ASH1L: variants seen among roughly 807,000 people sequenced by gnomAD.
ASH1L encodes histone-lysine N-methyltransferase ASH1L.
A neutral mutation model predicts 269.0 loss-of-function variants in ASH1L; 23 were observed. The observed-to-expected ratio is 0.09, with a 90% CI of 0.06 to 0.12. The LOEUF (loss-of-function observed/expected upper bound fraction) is 0.12. Ranked by LOEUF, ASH1L falls within the 10% of genes least tolerant of loss-of-function variation. The pLI is 1.00. For synonymous variants in ASH1L, 1,187 were observed against 1,253.5 expected (o/e 0.95, Z 1.12); for missense variants, 2,912 against 3,567.8 (o/e 0.82, Z 4.68).
chr1:155,396,983 G>A (rs1466543845), intron 6 of ASH1L: 1 of 150,758 alleles, frequency 6.6e-6, no homozygotes, highest in African/African-American at 2.4e-5. Context: ...AAAAAAGCTG[G>A]GTGTGGTAGT....
chr1:155,339,281 C>T, intron 26 of ASH1L, 47 bp downstream of exon 26: 1 of 1,566,252 alleles, frequency 6.4e-7, no homozygotes, highest in East Asian at 2.2e-5. Flanking sequence ...TCCATTCAAG[C>T]TCTTAGTCAA....
chr1:155,411,015 C>T (rs979128902), intron 6 of ASH1L, among the ~76,000 whole-genome samples: 13 of 152,118 alleles, frequency 8.5e-5, no homozygotes, highest in African/African-American at 1.4e-4. Context: ...AAAGTAACTA[C>T]GGACTTTGGG....
intron 5 of ASH1L, among the ~76,000 whole-genome samples, chr1:155,438,075 T>C (rs1039185394): frequency 2.6e-5 from 4 of 152,174 alleles, no homozygotes; most frequent in Admixed American, 6.5e-5. Context: ...CTTGAACTCC[T>C]CACCTCAAGT....
chr1:155,557,394 C>G (rs955876221), intron 1 of ASH1L, among the ~76,000 whole-genome samples: 6 of 151,976 alleles, frequency 3.9e-5, no homozygotes, highest in Non-Finnish European at 5.9e-5. Context: ...TCCTGAGAAG[C>G]TGGGACTACA....
At chr1:155,373,752 C>T (rs1266357372) in intron 10 of ASH1L, among the ~76,000 whole-genome samples, 1 of 151,986 alleles carries the variant, frequency 6.6e-6, no homozygotes, top group East Asian at 1.9e-4. Context: ...ACTGCAGCCT[C>T]GACCTCCTGG....
rs764894148 is a variant in ASH1L at position 155,562,191 on chromosome 1, G to A, written c.-138C>T. The A allele has an allele frequency of 8.1e-6, 13 of 1,606,366 alleles. No individual in the cohort carries two copies. The Admixed American group carries it at 2.2e-4, about 27-fold the overall frequency. ...GAGGCCGAGGCCGAGAGCGATGAGA[G>A]TGCAGGGAAGTGGGGAAGAGGGGGT... On this transcript the variant is annotated 5_prime_UTR_variant, in exon 1 of 28. Transcript: ENST00000392403.
rs537556735 is a variant in ASH1L, at chr1:155,501,499, T to A, written c.421-19050A>T. On this transcript the variant is annotated intron_variant, in intron 2 of 27. Coordinates refer to ENST00000392403, the MANE Select transcript of ASH1L (RefSeq NM_018489.3). ...GATTATCGTACTCCATCCCTCCAAG[T>A]AGCTGGGACTACAGGTGGGTGTCAC... Among the ~76,000 whole-genome samples, 11 of 152,246 alleles carry A rather than the reference T, an allele frequency of 7.2e-5. No individual in the cohort carries two copies. In the South Asian group the frequency reaches 2.3e-3, roughly 32 times the overall value.
At position 155,497,828 on chromosome 1, in the gene ASH1L, C is replaced by A. The variant is rs565121154; in HGVS notation, c.421-15379G>T. 2.7e-3 allele frequency among the ~76,000 whole-genome samples: 408 copies of A among 151,904 alleles called. 2 individuals carry two copies. The highest frequency in any genetic ancestry group is 9.4e-3 in the African/African-American group (390 of 41,334). ...GCCGTGGCACGATCTCGGCTCACTGCAAGTTCCGCCTCCCGGGTTCATGCC... is the reference window on the plus strand; with the variant it reads ...GCCGTGGCACGATCTCGGCTCACTGAAAGTTCCGCCTCCCGGGTTCATGCC... On this transcript the variant is annotated intron_variant, in intron 2 of 27. Transcript: ENST00000392403.
At chr1:155,360,041 G>A (rs573916356) in intron 13 of ASH1L, among the ~76,000 whole-genome samples, 32 of 152,026 alleles carry the variant, frequency 2.1e-4, no homozygotes, top group South Asian at 6.2e-4. Flanking sequence ...ACAGGTGCGC[G>A]CCACCACATC....
chr1:155,394,678 A>G (rs775655365), intron 7 of ASH1L, among the ~76,000 whole-genome samples: 7 of 152,192 alleles, frequency 4.6e-5, no homozygotes, highest in African/African-American at 7.2e-5. Flanking sequence ...GCTCAATAAT[A>G]GGGTCCTGGA....
chr1:155,546,133 G>A (rs1670797645), intron 1 of ASH1L, among the ~76,000 whole-genome samples: 1 of 149,592 alleles, frequency 6.7e-6, no homozygotes. Flanking sequence ...ACGCCAGCTT[G>A]GGCAATAACA....
At chr1:155,358,512 A>T (rs573253369) in intron 13 of ASH1L, among the ~76,000 whole-genome samples, 10 of 151,914 alleles carry the variant, frequency 6.6e-5, no homozygotes, top group Admixed American at 2.6e-4. Flanking sequence ...GGTAAAACCC[A>T]GTCTCTACTA....
At position 155,478,560 on chromosome 1, in the gene ASH1L, G is replaced by A; in HGVS notation, c.4310C>T (p.Ala1437Val). Residue 1437 changes from alanine to valine, a missense_variant, in exon 3 of 28, where the codon GCC (alanine) becomes GTC (valine). Physicochemically the swap from Ala to Val is moderately conservative, Grantham distance 64. This residue lies in a region of ASH1L where 789 missense variants were observed against 897.6 expected (regional missense o/e 0.88). Transcript: ENST00000392403. The surrounding 1 kb of genome is among the most constrained non-coding windows in gnomAD (Gnocchi z 4.6). ...MHAGHLLLNPAKYHKKKHKLL... is the reference protein window; with the variant it reads ...MHAGHLLLNPVKYHKKKHKLL... ...CTTATGCTTTTTCTTATGGTATTTG[G>A]CAGGATTGAGAAGTAAATGACCAGC... is the stretch of plus-strand genomic sequence containing the variant. 1.2e-6 allele frequency: 2 copies of A among 1,614,066 alleles called. No homozygotes were observed. Among genetic ancestry groups the A allele is most frequent in the Non-Finnish European group, 1.7e-6 (2 of 1,180,026 alleles).
chr1:155,346,433 C>T lies in ASH1L; in HGVS notation c.7840G>A (p.Asp2614Asn). Residue 2614 changes from aspartate to asparagine, a missense_variant, in exon 21 of 28, where the codon GAT (aspartate) becomes AAT (asparagine). This residue lies in a region of ASH1L where 179 missense variants were observed against 293.8 expected (regional missense o/e 0.61). Transcript: ENST00000392403. ...TGCTCACAAAGGTAGTGCTCCACATCTGAGTTCACTCCCATACAATCACAG... is the reference window on the plus strand; with the variant it reads ...TGCTCACAAAGGTAGTGCTCCACATTTGAGTTCACTCCCATACAATCACAG... ...QHCDCMGVNS[D>N]VEHYLCEQCD... 1 of 1,614,074 alleles carries T rather than the reference C, an allele frequency of 6.2e-7. No individual in the cohort carries two copies. The highest frequency in any genetic ancestry group is 8.5e-7 in the Non-Finnish European group (1 of 1,179,966).
intron 2 of ASH1L, among the ~76,000 whole-genome samples, chr1:155,490,643 CAT>C (rs1553267797): frequency 7.3e-5 from 11 of 150,168 alleles, no homozygotes; most frequent in African/African-American, 2.7e-4. Flanking sequence ...CACACACACA[CAT>C]ACACACACAC....
chr1:155,493,379 G>C (rs1156885014), intron 2 of ASH1L, among the ~76,000 whole-genome samples: 1 of 152,028 alleles, frequency 6.6e-6, no homozygotes, highest in Admixed American at 6.6e-5. Flanking sequence ...AAGCTTTTTC[G>C]TGTTTCTGGG....
rs767536880 is a variant in ASH1L at position 155,478,750 on chromosome 1, A to G, written c.4120T>C (p.Ser1374Pro). ...TAAGATGGATAGAATCCAGTACTAG[A>G]AAGAGGAAAACTAAGGCTGTGCATA... ...PFMHSLSFPL[S>P]STGFYPSYGM... The change falls in exon 3 of 28, where the codon TCT (serine) becomes CCT (proline). Residue 1374 changes from serine to proline, a missense_variant. By Grantham distance (74) the Ser-to-Pro change is moderately conservative. Coordinates refer to ENST00000392403, the MANE Select transcript of ASH1L (RefSeq NM_018489.3). This position sits in a 1 kb window ranked among gnomAD's most constrained non-coding sequence, Gnocchi z 4.6. 2.5e-6 allele frequency: 4 copies of G among 1,614,136 alleles called. No individual in the cohort carries two copies. The highest frequency in any genetic ancestry group is 1.6e-4 in the Middle Eastern group (1 of 6,062).
At position 155,521,531 on chromosome 1, in the gene ASH1L, G is replaced by A. The variant is rs542278121; in HGVS notation, c.-12C>T. 5 of 1,582,448 alleles carry A rather than the reference G, an allele frequency of 3.2e-6. No individual in the cohort carries two copies. The highest frequency in any genetic ancestry group is 2.3e-5 in the South Asian group (2 of 85,452). ...TTTCTAGGGTCCATCACAAGCGTAT[G>A]TTATTGCCAAGGAATCTTATGAAAA... On this transcript the variant is annotated 5_prime_UTR_variant, in exon 2 of 28. Transcript: ENST00000392403.
At position 155,521,337 on chromosome 1, in the gene ASH1L, C is replaced by T. The variant is rs757743900; in HGVS notation, c.183G>A (p.Gly61=). The change falls in exon 2 of 28, where the codon GGG becomes GGA. Residue 61 remains glycine, a synonymous_variant. Coordinates refer to ENST00000392403, the MANE Select transcript of ASH1L (RefSeq NM_018489.3). The part of the protein sequence containing the change: ...KRNRERNIEA[G]KDDGLTDAQQ... Reference sequence around the variant, plus strand: ...GTGCATCAGTCAAACCATCATCTTTCCCAGCTTCGATGTTTCTTTCTCGAT... The same window carrying T: ...GTGCATCAGTCAAACCATCATCTTTTCCAGCTTCGATGTTTCTTTCTCGAT... 73 of 1,614,058 alleles carry T rather than the reference C, an allele frequency of 4.5e-5. No homozygotes were observed. Among genetic ancestry groups the T allele is most frequent in the Non-Finnish European group, 5.8e-5 (69 of 1,180,036 alleles).
Sources: gnomAD v4.1 joint callset for allele counts (sites outside exome capture counted in the v4.1 genomes callset) on GRCh38, gnomAD v4.1.1 for gene constraint, gnomAD v4.1.1 regional missense constraint, Gnocchi (gnomAD v3.1) non-coding constraint, MANE v1.5 for transcripts, NCBI Gene and HGNC (gene_info 2026-07-23, HGNC 2026-07-21) for gene names.